Variants in PDZD2 observed in about 807,000 individuals in gnomAD.
PDZD2 encodes the protein PDZ domain-containing protein 2.
Under a neutral mutation model 220.7 loss-of-function variants are expected in PDZD2, and 90 were observed. The observed-to-expected ratio is 0.41, with a 90% CI of 0.34 to 0.49. The LOEUF (loss-of-function observed/expected upper bound fraction) is 0.49, where lower values mean the gene tolerates loss of function less well. PDZD2 is among the 20% of genes least tolerant of loss of function. PDZD2 has a pLI of 0.28. For missense variants in PDZD2, 3,174 were observed against 3,608.5 expected (o/e 0.88, Z 3.08); for synonymous variants, 1,375 against 1,450.5 (o/e 0.95, Z 1.18).
chr5:31,668,056 T>A (rs1051999897), intron 1 of PDZD2, among the ~76,000 whole-genome samples: 1 of 151,672 alleles, frequency 6.6e-6, no homozygotes, highest in South Asian at 2.1e-4. Flanking sequence ...AAGACGGGGG[T>A]TTCACCATAT....
chr5:31,770,303 G>C, intron 1 of PDZD2, among the ~76,000 whole-genome samples: 1 of 152,164 alleles, frequency 6.6e-6, no homozygotes. Context: ...AAATCTCCCA[G>C]GGCTGGGCTC....
chr5:31,883,023 C>CAA (rs781370177), intron 2 of PDZD2, among the ~76,000 whole-genome samples: 15,353 of 47,876 alleles, frequency 0.32, 2,787 homozygotes, highest in South Asian at 0.47. Context: ...GACTCTGTCT[C>CAA]AAAAAAAAAA....
rs1404092995 is a variant in PDZD2, at chr5:32,010,334, A to G, written c.1259A>G (p.Asn420Ser). Residue 420 changes from asparagine to serine, a missense_variant, in exon 6 of 25, where the codon AAC (asparagine) becomes AGC (serine). Transcript: ENST00000438447. The stretch of plus-strand genomic sequence containing the variant: ...CCTTTAATTGTGTCCCCATAGGAAA[A>G]CTCCGCAGAGGACCTCCTCAGGTTA... ...MVQLVVASKE[N>S]SAEDLLRLTS... 16 of 1,597,322 alleles carry G rather than the reference A, an allele frequency of 1.0e-5. No individual in the cohort carries two copies. In the Admixed American group the frequency reaches 2.7e-4, roughly 27 times the overall value.
intron 2 of PDZD2, among the ~76,000 whole-genome samples, chr5:31,863,014 G>C (rs1304104544): frequency 2.0e-5 from 3 of 152,136 alleles, no homozygotes; most frequent in African/African-American, 7.2e-5. Flanking sequence ...CGCCTGCTGG[G>C]ATTACAGGCG....
At chr5:31,849,895 TATATATATAC>T (rs1561506797) in intron 2 of PDZD2, among the ~76,000 whole-genome samples, 2 of 29,398 alleles carry the variant, frequency 6.8e-5, no homozygotes, top group African/African-American at 6.2e-4. Flanking sequence ...TATACACATA[TATATATATAC>T]ATATATATAT....
intron 2 of PDZD2, chr5:31,923,450 C>G (rs1371537241): frequency 1.8e-6 from 2 of 1,102,708 alleles, no homozygotes; most frequent in Admixed American, 3.4e-5. Context: ...TGGGCTTTAT[C>G]CCTCTTGTGA....
At chr5:31,709,595 G>A (rs1747993447) in intron 1 of PDZD2, among the ~76,000 whole-genome samples, 1 of 152,136 alleles carries the variant, frequency 6.6e-6, no homozygotes, top group Non-Finnish European at 1.5e-5. Context: ...TTCAAAAGAA[G>A]CACCTCCCCC....
intron 15 of PDZD2, 50 bp downstream of exon 15, chr5:32,069,700 A>G (rs1232872291): frequency 1.0e-6 from 1 of 953,892 alleles, no homozygotes; most frequent in Non-Finnish European, 1.7e-6. Flanking sequence ...TTTCTCATTA[A>G]GTTCACCCAC....
At chr5:31,969,657 G>A (rs1454655662) in intron 2 of PDZD2, among the ~76,000 whole-genome samples, 2 of 151,918 alleles carry the variant, frequency 1.3e-5, no homozygotes, top group Non-Finnish European at 2.9e-5. Context: ...TCTTATTAGA[G>A]TGATGAAAAT....
chr5:32,049,105 G>GT (rs1738261792), intron 8 of PDZD2, among the ~76,000 whole-genome samples: 1 of 151,980 alleles, frequency 6.6e-6, no homozygotes, highest in African/African-American at 2.4e-5. Flanking sequence ...CTCACCTGGA[G>GT]TCCTACCTGT....
chr5:31,977,956 A>G (rs1749934450), intron 2 of PDZD2, among the ~76,000 whole-genome samples: 1 of 152,216 alleles, frequency 6.6e-6, no homozygotes, highest in African/African-American at 2.4e-5. Context: ...CCTGGGCAAC[A>G]GAGTGAGACT....
chr5:31,839,979 A>G (rs1456557380), intron 2 of PDZD2, among the ~76,000 whole-genome samples: 1 of 152,162 alleles, frequency 6.6e-6, no homozygotes, highest in East Asian at 1.9e-4. Flanking sequence ...CTGTGAGCCA[A>G]TTAAACCTCT....
chr5:31,697,428 A>G (rs3097214), intron 1 of PDZD2, among the ~76,000 whole-genome samples: 68,831 of 152,050 alleles, frequency 0.45, 16,283 homozygotes, highest in East Asian at 0.62. Flanking sequence ...GTGCCACTGC[A>G]CTCCAGCCTG....
Position 32,058,217 on chromosome 5 carries a change from T to C in PDZD2, c.2200+114T>C, listed in dbSNP as rs893177075. On this transcript the variant is annotated intron_variant, in intron 12 of 24. Coordinates refer to ENST00000438447, the MANE Select transcript of PDZD2 (RefSeq NM_178140.4). ...GAATTATTCCTTTGGTACAATCTTC[T>C]ATCAACAACACGTGGTCTCTGCATG... is the stretch of plus-strand genomic sequence containing the variant. 1.8e-5 allele frequency: 12 copies of C among 666,384 alleles called. No homozygotes were observed. In the African/African-American group the frequency reaches 2.2e-4, roughly 12 times the overall value. 41.3% of individuals were successfully genotyped at this position (666,384 alleles called of 1,614,324 possible).
chr5:31,772,377 T>C (rs1360570078), intron 1 of PDZD2, among the ~76,000 whole-genome samples: 2 of 152,170 alleles, frequency 1.3e-5, no homozygotes, highest in Non-Finnish European at 2.9e-5. Context: ...GGTCCAACCC[T>C]AGCCAACAGG....
intron 4 of PDZD2, among the ~76,000 whole-genome samples, chr5:31,997,071 T>G (rs1054391165): frequency 3.9e-5 from 6 of 152,226 alleles, no homozygotes; most frequent in African/African-American, 1.2e-4. Flanking sequence ...TGTCTACTAT[T>G]TGCAAGGCCT....
At chr5:32,066,851 A>G (rs892689941) in intron 14 of PDZD2, among the ~76,000 whole-genome samples, 1 of 152,240 alleles carries the variant, frequency 6.6e-6, no homozygotes, top group Non-Finnish European at 1.5e-5. Flanking sequence ...CCGCCATGCC[A>G]TTGACCATAC....
intron 6 of PDZD2, among the ~76,000 whole-genome samples, chr5:32,021,121 C>G (rs1754167816): frequency 6.6e-6 from 1 of 150,778 alleles, no homozygotes; most frequent in Admixed American, 6.6e-5. Context: ...TGGTAGCACA[C>G]AGCCTGAGAA....
intron 1 of PDZD2, among the ~76,000 whole-genome samples, chr5:31,754,972 G>GGCTT: frequency 6.6e-6 from 1 of 152,236 alleles, no homozygotes; most frequent in South Asian, 2.1e-4. Flanking sequence ...GACAAGTGAG[G>GGCTT]GCTTGTTCAG....
Sources: allele counts gnomAD v4.1 joint callset (sites outside exome capture counted in the v4.1 genomes callset), GRCh38; gene constraint gnomAD v4.1.1; transcripts MANE v1.5; gene names NCBI Gene and HGNC (gene_info 2026-07-23, HGNC 2026-07-21).